The following ELMO1 variants were observed in gnomAD, a reference collection of about 807,000 sequenced individuals.
ELMO1 encodes engulfment and cell motility protein 1.
A neutral mutation model predicts 98.9 loss-of-function variants in ELMO1; 26 were observed. That is an observed-to-expected ratio of 0.26 (90% CI 0.19 to 0.36). The LOEUF is 0.36. ELMO1 is among the 10% of genes least tolerant of loss of function. The pLI is 1.00. For synonymous variants in ELMO1, 346 were observed against 346.0 expected (o/e 1.00, Z 0.00); for missense variants, 627 against 935.2 (o/e 0.67, Z 4.30).
intron 13 of ELMO1, among the ~76,000 whole-genome samples, chr7:37,206,907 T>C (rs185067742): frequency 4.9e-4 from 74 of 151,856 alleles, no homozygotes; most frequent in African/African-American, 1.7e-3. Flanking sequence ...AAAAAAAGCC[T>C]TGTCTGATTT....
At chr7:37,337,524 A>T (rs1260135429) in intron 2 of ELMO1, among the ~76,000 whole-genome samples, 2 of 44,460 alleles carry the variant, frequency 4.5e-5, no homozygotes, top group African/African-American at 1.5e-4. Flanking sequence ...CTTAAAGTAT[A>T]AAAAAAAAAA....
At chr7:37,064,249 C>T (rs1201624959) in intron 15 of ELMO1, among the ~76,000 whole-genome samples, 1 of 152,168 alleles carries the variant, frequency 6.6e-6, no homozygotes, top group Non-Finnish European at 1.5e-5. Flanking sequence ...TGTCTTTAAA[C>T]CTTGCTCATT....
At chr7:37,336,344 C>G (rs1215811440) in intron 2 of ELMO1, among the ~76,000 whole-genome samples, 1 of 152,160 alleles carries the variant, frequency 6.6e-6, no homozygotes, top group Non-Finnish European at 1.5e-5. Context: ...TTTCACTAAC[C>G]ATTTGTCTCG....
intron 15 of ELMO1, among the ~76,000 whole-genome samples, chr7:37,073,697 C>A (rs1797405778): frequency 6.6e-6 from 1 of 151,656 alleles, no homozygotes; most frequent in African/African-American, 2.4e-5. Context: ...CACTGTGATG[C>A]TTGAACTCCT....
At chr7:37,250,565 G>A (rs1795288052) in intron 6 of ELMO1, among the ~76,000 whole-genome samples, 1 of 152,000 alleles carries the variant, frequency 6.6e-6, no homozygotes, top group South Asian at 2.1e-4. Context: ...GGCCGAGGCG[G>A]GTGGATCACG....
intron 1 of ELMO1, among the ~76,000 whole-genome samples, chr7:37,367,117 A>G (rs1248425386): frequency 6.6e-6 from 1 of 152,172 alleles, no homozygotes; most frequent in Non-Finnish European, 1.5e-5. Context: ...AGTTCCCCAG[A>G]CACACCACAC....
chr7:37,197,592 A>C (rs1792043979), intron 13 of ELMO1, among the ~76,000 whole-genome samples: 1 of 152,230 alleles, frequency 6.6e-6, no homozygotes. Context: ...AGAAAGGATA[A>C]AGATAGAAGG....
At chr7:37,283,890 G>A (rs79053207) in intron 4 of ELMO1, among the ~76,000 whole-genome samples, 30 of 152,322 alleles carry the variant, frequency 2.0e-4, no homozygotes, top group Non-Finnish European at 4.3e-4. Context: ...GAAGAACCCT[G>A]GGGGACAAGC....
chr7:37,298,071 G>C (rs1798139160), intron 4 of ELMO1, among the ~76,000 whole-genome samples: 1 of 151,914 alleles, frequency 6.6e-6, no homozygotes, highest in Admixed American at 6.6e-5. Flanking sequence ...GAAGATACTT[G>C]AGATTTTGTA....
intron 7 of ELMO1, among the ~76,000 whole-genome samples, chr7:37,241,877 CT>C (rs955875277): frequency 1.3e-5 from 2 of 152,104 alleles, no homozygotes; most frequent in Admixed American, 1.3e-4. Context: ...TAGTTACAGC[CT>C]TTTAAAGAAA....
chr7:37,071,448 A>C (rs1424035009), intron 15 of ELMO1, among the ~76,000 whole-genome samples: 2 of 152,196 alleles, frequency 1.3e-5, no homozygotes, highest in Non-Finnish European at 2.9e-5. Context: ...AACTAGCAAG[A>C]GATTTCATAA....
intron 4 of ELMO1, among the ~76,000 whole-genome samples, chr7:37,274,053 G>C (rs1796704191): frequency 6.6e-6 from 1 of 152,206 alleles, no homozygotes; most frequent in African/African-American, 2.4e-5. Context: ...GCCCAGTGTA[G>C]AGCATCCCCT....
chr7:37,257,493 A>G (rs2717967), intron 6 of ELMO1, among the ~76,000 whole-genome samples: 48,188 of 149,678 alleles, frequency 0.32, 7,762 homozygotes, highest in Middle Eastern at 0.45. Context: ...GGGAAGCCGA[A>G]ATGGGCAGAT....
intron 20 of ELMO1, chr7:36,861,989 T>C: frequency 2.0e-6 from 1 of 504,404 alleles, no homozygotes; most frequent in Non-Finnish European, 3.6e-6. Context: ...TCATCTCCTT[T>C]ATGAGGTGGG....
At chr7:36,926,479 G>A (rs1746106906) in intron 16 of ELMO1, among the ~76,000 whole-genome samples, 1 of 152,076 alleles carries the variant, frequency 6.6e-6, no homozygotes, top group South Asian at 2.1e-4. Context: ...CCCCCCTAGA[G>A]TCCCATGGGA....
intron 1 of ELMO1, among the ~76,000 whole-genome samples, chr7:37,428,879 G>A (rs1226371921): frequency 6.6e-6 from 1 of 152,204 alleles, no homozygotes; most frequent in African/African-American, 2.4e-5. Context: ...TCTTGGCAGA[G>A]TGTGTAGCTC....
At chr7:36,900,628 G>C (rs1806427589) in intron 16 of ELMO1, among the ~76,000 whole-genome samples, 1 of 152,192 alleles carries the variant, frequency 6.6e-6, no homozygotes. Flanking sequence ...GCCAAGTGGA[G>C]GGTTTCTGGA....
chr7:37,164,158 A>T (rs1320369379), intron 13 of ELMO1, among the ~76,000 whole-genome samples: 1 of 152,066 alleles, frequency 6.6e-6, no homozygotes, highest in Admixed American at 6.5e-5. Flanking sequence ...GTCTGTTCAT[A>T]TCCTTTGCCC....
intron 18 of ELMO1, among the ~76,000 whole-genome samples, chr7:36,878,866 A>G (rs534834303): frequency 6.6e-6 from 1 of 152,236 alleles, no homozygotes; most frequent in Non-Finnish European, 1.5e-5. Flanking sequence ...TCTATGAGGC[A>G]GGAAGAAAGA....
Sources: allele counts gnomAD v4.1 joint callset (sites outside exome capture counted in the v4.1 genomes callset), GRCh38; gene constraint gnomAD v4.1.1; transcripts MANE v1.5; gene names NCBI Gene and HGNC (gene_info 2026-07-23, HGNC 2026-07-21).